CFAP47: variants seen among roughly 807,000 people sequenced by gnomAD.
CFAP47 encodes the protein cilia- and flagella-associated protein 47.
In CFAP47, 29 loss-of-function variants were observed where a neutral mutation model predicts 148.1. The observed-to-expected ratio is 0.20, with a 90% confidence interval of 0.15 to 0.27. The LOEUF (loss-of-function observed/expected upper bound fraction) is 0.27, where lower values mean the gene tolerates loss of function less well. Ranked by LOEUF, CFAP47 falls within the 10% of genes least tolerant of loss-of-function variation. The pLI is 1.00. For missense variants in CFAP47, 1,872 were observed against 1,697.5 expected, an observed-to-expected ratio of 1.10 and a Z score of -1.81; for synonymous variants, 664 against 577.3, an observed-to-expected ratio of 1.15 and a Z score of -2.15.
At chrX:36,142,362 A>AT (rs986145047) in intron 35 of CFAP47, among the ~76,000 whole-genome samples, 1 of 111,085 alleles carries the variant, frequency 9.0e-6, no homozygotes, top group African/African-American at 3.3e-5. Context: ...GATTTTTATG[A>AT]TTTTTTTGTT....
At chrX:36,304,943 T>C (rs981115875) in intron 54 of CFAP47, among the ~76,000 whole-genome samples, 14 of 110,800 alleles carry the variant, frequency 1.3e-4, no homozygotes, top group African/African-American at 4.6e-4. Flanking sequence ...AAAATGATAA[T>C]TACAATAGAC....
intron 8 of CFAP47, among the ~76,000 whole-genome samples, chrX:35,965,065 C>T (rs140493517): frequency 0.017 from 1,923 of 111,317 alleles, 23 homozygotes; most frequent in Middle Eastern, 0.037. Context: ...GAAAACTGGG[C>T]ATTGTACATA....
chrX:36,263,769 C>T (rs1300951353), intron 49 of CFAP47, among the ~76,000 whole-genome samples: 1 of 111,663 alleles, frequency 9.0e-6, no homozygotes, highest in Non-Finnish European at 1.9e-5. Flanking sequence ...GCCCCTGTGG[C>T]CATGCTGGTA....
chrX:36,020,047 A>C (rs929864094), intron 22 of CFAP47, among the ~76,000 whole-genome samples: 1 of 111,631 alleles, frequency 9.0e-6, no homozygotes, highest in East Asian at 2.8e-4. Flanking sequence ...TTTCTGATAT[A>C]GACACTTATA....
At chrX:36,172,889 T>A (rs2146859579) in intron 39 of CFAP47, among the ~76,000 whole-genome samples, 1 of 111,686 alleles carries the variant, frequency 9.0e-6, no homozygotes, top group East Asian at 2.8e-4. Context: ...AGTTCCTCCT[T>A]GTACCTCTGG....
intron 48 of CFAP47, among the ~76,000 whole-genome samples, chrX:36,249,992 C>T (rs993315858): frequency 8.1e-5 from 9 of 110,963 alleles, no homozygotes; most frequent in Admixed American, 1.9e-4. Flanking sequence ...ACAGCCATTA[C>T]GATAAACATT....
Position 36,384,808 on chromosome X carries a change from G to A in CFAP47, c.9366G>A (p.Met3122Ile). ...KATLVIQTEEMYWKYEINGLT... is the reference protein window; with the variant it reads ...KATLVIQTEEIYWKYEINGLT... ...CTCTTTCTATCCAGACAGAAGAAAT[G>A]TACTGGAAGTATGAGATCAATGGAT... The change falls in exon 64 of 64, where the codon ATG becomes ATA. Residue 3122 changes from methionine to isoleucine, a missense_variant. Met to Ile is a conservative substitution (Grantham distance 10). Coordinates refer to ENST00000378653, the MANE Select transcript of CFAP47 (RefSeq NM_001304548.2). 1 of 1,162,433 alleles carries A rather than the reference G, an allele frequency of 8.6e-7. No homozygotes were observed. The highest frequency in any genetic ancestry group is 1.2e-6 in the Non-Finnish European group (1 of 868,462).
At chrX:36,043,508 C>T (rs914899641) in intron 25 of CFAP47, among the ~76,000 whole-genome samples, 1 of 113,049 alleles carries the variant, frequency 8.8e-6, no homozygotes, top group Non-Finnish European at 1.9e-5. Context: ...TTGGCCAAAA[C>T]AAAGGGGCCA....
At chrX:36,341,882 T>G (rs1394006021) in intron 57 of CFAP47, among the ~76,000 whole-genome samples, 1 of 110,611 alleles carries the variant, frequency 9.0e-6, no homozygotes, top group Admixed American at 9.7e-5. Flanking sequence ...GTAAATTAAA[T>G]ATGCATATTT....
chrX:36,258,478 G>T (rs1357475092), intron 49 of CFAP47, among the ~76,000 whole-genome samples: 1 of 111,250 alleles, frequency 9.0e-6, no homozygotes, highest in Non-Finnish European at 1.9e-5. Flanking sequence ...TCCTGAATAA[G>T]CCGTCTTTGA....
At chrX:36,376,304 T>A (rs1942022816) in intron 62 of CFAP47, among the ~76,000 whole-genome samples, 1 of 112,308 alleles carries the variant, frequency 8.9e-6, no homozygotes, top group South Asian at 3.7e-4. Context: ...TCTTCTGGTG[T>A]CTGTCTGCTG....
chrX:36,122,947 T>G (rs1938771034), intron 33 of CFAP47, among the ~76,000 whole-genome samples: 1 of 111,687 alleles, frequency 9.0e-6, no homozygotes, highest in African/African-American at 3.3e-5. Context: ...CCATACTTCT[T>G]GGATTAGCTT....
chrX:36,049,751 C>T (rs944760933), intron 26 of CFAP47, among the ~76,000 whole-genome samples: 12 of 111,703 alleles, frequency 1.1e-4, no homozygotes, highest in African/African-American at 3.3e-4. Context: ...GCAATGGACC[C>T]GCACATTTGT....
Position 36,086,044 on chromosome X carries a change from A to G in CFAP47, c.4916+506A>G, listed in dbSNP as rs73197117. On this transcript the variant is annotated intron_variant, in intron 30 of 63. Transcript: ENST00000378653. ...CTTTATTTCTCAGACTATTATTAGT[A>G]TCATCTCAATTTATGGGTACTGTGG... is the stretch of plus-strand genomic sequence containing the variant. Among the ~76,000 whole-genome samples the G allele has an allele frequency of 7.9e-3, 888 of 111,978 alleles. 4 individuals carry two copies. The highest frequency in any genetic ancestry group is 0.042 in the South Asian group (113 of 2,694).
intron 23 of CFAP47, among the ~76,000 whole-genome samples, chrX:36,032,538 T>A (rs1482538164): frequency 9.0e-6 from 1 of 110,852 alleles, no homozygotes; most frequent in Non-Finnish European, 1.9e-5. Context: ...ATATATATAT[T>A]TTGCTTAAAA....
intron 49 of CFAP47, among the ~76,000 whole-genome samples, chrX:36,277,126 A>G (rs868939197): frequency 1.8e-5 from 2 of 112,194 alleles, no homozygotes; most frequent in Non-Finnish European, 3.8e-5. Flanking sequence ...TTTTGCAACT[A>G]TAGAAGAAAT....
chrX:36,116,452 G>A lies in CFAP47; in HGVS notation c.5320+11761G>A, dbSNP rs542607190. 3.7e-4 allele frequency among the ~76,000 whole-genome samples: 41 copies of A among 112,114 alleles called. No individual in the cohort carries two copies. In the South Asian group the frequency reaches 5.5e-3, roughly 15 times the overall value. Reference sequence around the variant, plus strand: ...TTCAATATACATTTCCTTACAATACGTTTAAATATATAATAGTTAACGAGC... The same window carrying A: ...TTCAATATACATTTCCTTACAATACATTTAAATATATAATAGTTAACGAGC... On this transcript the variant is annotated intron_variant, in intron 33 of 63. Transcript: ENST00000378653.
intron 33 of CFAP47, among the ~76,000 whole-genome samples, chrX:36,111,037 G>A (rs776958557): frequency 1.2e-4 from 13 of 111,595 alleles, no homozygotes; most frequent in South Asian, 3.8e-4. Flanking sequence ...ATATAGAATC[G>A]TGTTGTCTGG....
At chrX:35,957,754 A>G (rs1005197256) in intron 8 of CFAP47, among the ~76,000 whole-genome samples, 2 of 112,010 alleles carry the variant, frequency 1.8e-5, no homozygotes, top group African/African-American at 3.2e-5. Flanking sequence ...AACACTAATA[A>G]TTTTCAAATT....
Sources: gnomAD v4.1 joint callset for allele counts (sites outside exome capture counted in the v4.1 genomes callset) on GRCh38, gnomAD v4.1.1 for gene constraint, MANE v1.5 for transcripts, NCBI Gene and HGNC (gene_info 2026-07-23, HGNC 2026-07-21) for gene names.